The following SCAI variants were observed in gnomAD, a reference collection of about 807,000 sequenced individuals.
SCAI encodes suppressor of cancer cell invasion.
A neutral mutation model predicts 92.2 loss-of-function variants in SCAI; 24 were observed. That is an observed-to-expected ratio of 0.26 (90% CI 0.19 to 0.37). The LOEUF is 0.37. SCAI is among the 10% of genes least tolerant of loss of function. The pLI is 1.00. For missense variants in SCAI, 450 were observed against 736.2 expected (o/e 0.61, Z 4.50); for synonymous variants, 261 against 258.6 (o/e 1.01, Z -0.09).
intron 2 of SCAI, among the ~76,000 whole-genome samples, chr9:125,057,921 T>C (rs936448996): frequency 2.9e-4 from 43 of 150,562 alleles, no homozygotes; most frequent in African/African-American, 1.0e-3. Flanking sequence ...CAGTGAGATC[T>C]TGTCTCTACA....
intron 2 of SCAI, among the ~76,000 whole-genome samples, chr9:125,078,100 G>A (rs750123459): frequency 6.6e-6 from 1 of 151,684 alleles, no homozygotes; most frequent in Non-Finnish European, 1.5e-5. Context: ...AAAGCACCTT[G>A]TCAGATAAAT....
rs1588127083 is a variant in SCAI, at chr9:124,976,385, T to C, written c.1327-199A>G. ...AATAGGCTTTCTTAAAGGCTCTCAA[T>C]TGAAATAGTTTACTGAGTGAACTAC... On this transcript the variant is annotated intron_variant, in intron 14 of 17. Coordinates refer to ENST00000336505, the MANE Select transcript of SCAI (RefSeq NM_001144877.3). Among the ~76,000 whole-genome samples, 3 of 152,320 alleles carry C rather than the reference T, an allele frequency of 2.0e-5. No homozygotes were observed. In the East Asian group the frequency reaches 5.8e-4, roughly 29 times the overall value.
chr9:125,065,455 T>A (rs1283983288), intron 2 of SCAI, among the ~76,000 whole-genome samples: 1 of 152,102 alleles, frequency 6.6e-6, no homozygotes, highest in Admixed American at 6.6e-5. Flanking sequence ...CTACCCACAA[T>A]GAAAACTCCA....
At chr9:124,991,351 C>CAAAAAAAAAAAAAA (rs34976572) in intron 14 of SCAI, among the ~76,000 whole-genome samples, 2 of 40,230 alleles carry the variant, frequency 5.0e-5, no homozygotes, top group African/African-American at 2.7e-4. Context: ...AACTCCGTCT[C>CAAAAAAAAAAAAAA]AAAAAAAAAA....
At chr9:125,066,066 G>T in intron 2 of SCAI, 1 of 733,530 alleles carries the variant, frequency 1.4e-6, no homozygotes, top group South Asian at 1.6e-5. Flanking sequence ...ATACTGTATT[G>T]AATAAAGAAA....
intron 9 of SCAI, among the ~76,000 whole-genome samples, chr9:125,014,391 A>T (rs1455630691): frequency 1.3e-5 from 2 of 152,224 alleles, no homozygotes; most frequent in Non-Finnish European, 2.9e-5. Context: ...CCAATAACAG[A>T]GAAACAGAGA....
At chr9:125,078,522 C>CT (rs928234980) in intron 2 of SCAI, among the ~76,000 whole-genome samples, 2 of 152,120 alleles carry the variant, frequency 1.3e-5, no homozygotes, top group African/African-American at 4.8e-5. Context: ...GAGTGAAACT[C>CT]TATCTCAAAA....
At chr9:125,047,613 T>C (rs970843858) in intron 3 of SCAI, among the ~76,000 whole-genome samples, 2 of 152,072 alleles carry the variant, frequency 1.3e-5, no homozygotes, top group Admixed American at 1.3e-4. Context: ...AACCCCAAAA[T>C]AGCCAATATG....
intron 2 of SCAI, among the ~76,000 whole-genome samples, chr9:125,139,026 G>A (rs1218151983): frequency 6.6e-6 from 1 of 152,150 alleles, no homozygotes; most frequent in Non-Finnish European, 1.5e-5. Flanking sequence ...AGGGAGGGTG[G>A]GGGGAAGCCC....
chr9:125,094,966 AAT>A (rs1229003841), intron 2 of SCAI, among the ~76,000 whole-genome samples: 1 of 152,246 alleles, frequency 6.6e-6, no homozygotes, highest in African/African-American at 2.4e-5. Flanking sequence ...TAAGTTATAA[AAT>A]AGATACATAA....
intron 2 of SCAI, among the ~76,000 whole-genome samples, chr9:125,126,561 G>GTTGTGGGTGT (rs1835282443): frequency 7.4e-6 from 1 of 135,396 alleles, no homozygotes; most frequent in African/African-American, 2.9e-5. Context: ...TGGGTGGGTG[G>GTTGTGGGTGT]GTGTGGGTGT....
chr9:125,042,858 C>CTTTTTT (rs770118712), intron 3 of SCAI, among the ~76,000 whole-genome samples: 2 of 50,994 alleles, frequency 3.9e-5, no homozygotes, highest in East Asian at 5.3e-4. Flanking sequence ...TGCTCCCTGG[C>CTTTTTT]TTTTTTTTTT....
chr9:124,995,094 A>G (rs765905879), intron 13 of SCAI, 79 bp from the exon 14 acceptor site: 8 of 1,053,304 alleles, frequency 7.6e-6, no homozygotes, highest in Admixed American at 6.0e-5. Context: ...TGGTCTGCTC[A>G]TATCTCCTTT....
intron 2 of SCAI, among the ~76,000 whole-genome samples, chr9:125,124,933 C>A (rs1022801671): frequency 2.6e-5 from 4 of 152,212 alleles, no homozygotes; most frequent in Non-Finnish European, 1.5e-5. Context: ...CAGAGGACTA[C>A]CTCCCAATCT....
At chr9:124,967,681 G>A (rs894777072) in intron 17 of SCAI, among the ~76,000 whole-genome samples, 1 of 149,710 alleles carries the variant, frequency 6.7e-6, no homozygotes, top group African/African-American at 2.5e-5. Context: ...ACACACACAC[G>A]TGAATATGTG....
intron 3 of SCAI, among the ~76,000 whole-genome samples, chr9:125,048,141 G>A (rs13297319): frequency 0.23 from 34,518 of 151,974 alleles, 4,872 homozygotes; most frequent in Non-Finnish European, 0.31. Context: ...ACCATGCCCA[G>A]CTAATTTTGT....
At chr9:125,081,263 A>C (rs1834210779) in intron 2 of SCAI, among the ~76,000 whole-genome samples, 1 of 152,206 alleles carries the variant, frequency 6.6e-6, no homozygotes, top group Non-Finnish European at 1.5e-5. Context: ...TCAGAAGAAG[A>C]CAGGAAAATG....
At chr9:125,002,965 A>C in intron 11 of SCAI, 149 bp downstream of exon 11, 1 of 528,240 alleles carries the variant, frequency 1.9e-6, no homozygotes, top group Non-Finnish European at 3.3e-6. Flanking sequence ...CAAAACAAAA[A>C]TATCTATTAT....
intron 2 of SCAI, among the ~76,000 whole-genome samples, chr9:125,103,753 T>C (rs1834723761): frequency 1.3e-5 from 2 of 152,216 alleles, no homozygotes; most frequent in African/African-American, 4.8e-5. Context: ...TTCTTAGGAC[T>C]TCCTGAGTTT....
Sources: gnomAD v4.1 joint callset for allele counts (sites outside exome capture counted in the v4.1 genomes callset) on GRCh38, gnomAD v4.1.1 for gene constraint, MANE v1.5 for transcripts, NCBI Gene and HGNC (gene_info 2026-07-23, HGNC 2026-07-21) for gene names.